DDAH1: variants seen among roughly 807,000 people sequenced by gnomAD.
The protein encoded by DDAH1 is dimethylarginine dimethylaminohydrolase 1.
A neutral mutation model predicts 28.8 loss-of-function variants in DDAH1; 19 were observed. The observed-to-expected ratio is 0.66, with a 90% CI of 0.46 to 0.97. The LOEUF (loss-of-function observed/expected upper bound fraction) is 0.97. Ranked by LOEUF, DDAH1 falls within the 50% of genes least tolerant of loss-of-function variation. DDAH1 has a pLI of 0.00. For synonymous variants in DDAH1, 153 were observed against 154.4 expected (o/e 0.99, Z 0.07); for missense variants, 326 against 375.9 (o/e 0.87, Z 1.10).
At chr1:85,332,098 C>G (rs1647805393) in intron 4 of DDAH1, among the ~76,000 whole-genome samples, 1 of 152,170 alleles carries the variant, frequency 6.6e-6, no homozygotes, top group Non-Finnish European at 1.5e-5. Context: ...CAGCATTGCT[C>G]CAGAGATGGA....
chr1:85,540,602 C>T (rs760040604), intron 1 of DDAH1, among the ~76,000 whole-genome samples: 10 of 152,176 alleles, frequency 6.6e-5, no homozygotes, highest in Non-Finnish European at 1.0e-4. Flanking sequence ...ACCTCCAATG[C>T]TTTCCTCCTA....
chr1:85,492,161 G>C (rs756012063), intron 2 of DDAH1, among the ~76,000 whole-genome samples: 6 of 152,148 alleles, frequency 3.9e-5, no homozygotes, highest in Non-Finnish European at 7.4e-5. Flanking sequence ...ACTCAGGCTT[G>C]TCTGAGTCTG....
At chr1:85,490,100 G>A (rs757328159) in intron 2 of DDAH1, among the ~76,000 whole-genome samples, 1 of 152,102 alleles carries the variant, frequency 6.6e-6, no homozygotes, top group Non-Finnish European at 1.5e-5. Context: ...ATGAAGGAAT[G>A]AATGAAGTTA....
chr1:85,542,192 C>A (rs571059646), intron 1 of DDAH1, among the ~76,000 whole-genome samples: 2 of 152,148 alleles, frequency 1.3e-5, no homozygotes, highest in Admixed American at 1.3e-4. Context: ...TGAACACTGT[C>A]TATAATACAA....
chr1:85,436,105 A>AT (rs1405354407), intron 1 of DDAH1, among the ~76,000 whole-genome samples: 1 of 152,032 alleles, frequency 6.6e-6, no homozygotes, highest in Non-Finnish European at 1.5e-5. Flanking sequence ...CCAGCCACTT[A>AT]TATCTGTTTT....
intron 1 of DDAH1, among the ~76,000 whole-genome samples, chr1:85,542,780 G>C (rs1441564177): frequency 6.6e-6 from 1 of 152,090 alleles, no homozygotes; most frequent in African/African-American, 2.4e-5. Context: ...ATTGTTATTG[G>C]CCCATAATGT....
intron 1 of DDAH1, among the ~76,000 whole-genome samples, chr1:85,371,088 T>A (rs1650359688): frequency 6.6e-6 from 1 of 152,218 alleles, no homozygotes. Context: ...GCTCATTCAT[T>A]ACTGTTGCGA....
chr1:85,512,153 G>A (rs560450013), intron 1 of DDAH1, among the ~76,000 whole-genome samples: 80 of 152,130 alleles, frequency 5.3e-4, no homozygotes, highest in Admixed American at 2.2e-3. Context: ...TATCCATCAC[G>A]ATCAAGTCAG....
intron 1 of DDAH1, among the ~76,000 whole-genome samples, chr1:85,427,821 C>T (rs921789189): frequency 2.0e-5 from 3 of 150,308 alleles, no homozygotes; most frequent in Non-Finnish European, 3.0e-5. Context: ...ACCTCATAAA[C>T]ATGTTATGTG....
intron 1 of DDAH1, among the ~76,000 whole-genome samples, chr1:85,574,684 C>T (rs1205124669): frequency 2.6e-5 from 4 of 152,162 alleles, no homozygotes; most frequent in Admixed American, 2.6e-4. Context: ...TAGCACTATG[C>T]CATGACACAT....
At chr1:85,345,083 C>G (rs1648761262) in intron 4 of DDAH1, among the ~76,000 whole-genome samples, 1 of 152,102 alleles carries the variant, frequency 6.6e-6, no homozygotes, top group Non-Finnish European at 1.5e-5. Flanking sequence ...CAAAGTGGCC[C>G]TCTGGACCAT....
intron 5 of DDAH1, among the ~76,000 whole-genome samples, chr1:85,322,987 T>G (rs1485351866): frequency 6.6e-6 from 1 of 152,146 alleles, no homozygotes. Context: ...AACCCTGATG[T>G]GCATTAAAGT....
At chr1:85,405,618 A>T (rs1354709944) in intron 1 of DDAH1, among the ~76,000 whole-genome samples, 1 of 122,010 alleles carries the variant, frequency 8.2e-6, no homozygotes, top group Non-Finnish European at 1.7e-5. Context: ...CCTTGGCTGG[A>T]TCTAAAAAGT....
chr1:85,549,619 T>C (rs71654708), intron 1 of DDAH1, among the ~76,000 whole-genome samples: 4,085 of 152,348 alleles, frequency 0.027, 72 homozygotes, highest in Non-Finnish European at 0.04. Context: ...TCCTGCCAAA[T>C]ATTTATGTTC....
intron 1 of DDAH1, among the ~76,000 whole-genome samples, chr1:85,510,016 T>C (rs1194158032): frequency 3.3e-5 from 5 of 151,618 alleles, no homozygotes; most frequent in Non-Finnish European, 7.4e-5. Context: ...TCGAGAAGTA[T>C]CTTTCTCGAC....
intron 1 of DDAH1, among the ~76,000 whole-genome samples, chr1:85,383,599 A>T (rs1487830418): frequency 1.3e-5 from 2 of 152,248 alleles, no homozygotes; most frequent in African/African-American, 4.8e-5. Context: ...TGTGAGTAAA[A>T]TGCTATCAAA....
chr1:85,386,559 C>T (rs1651272227), intron 1 of DDAH1, among the ~76,000 whole-genome samples: 1 of 152,218 alleles, frequency 6.6e-6, no homozygotes, highest in East Asian at 1.9e-4. Flanking sequence ...GGGCAGCACA[C>T]ATGGTTGATC....
intron 4 of DDAH1, among the ~76,000 whole-genome samples, chr1:85,327,435 C>T (rs778986560): frequency 1.3e-5 from 2 of 152,182 alleles, no homozygotes; most frequent in Non-Finnish European, 2.9e-5. Flanking sequence ...AGTAGTGTTG[C>T]AGGCTTAGCA....
intron 1 of DDAH1, among the ~76,000 whole-genome samples, chr1:85,552,073 T>A (rs1307711462): frequency 6.6e-6 from 1 of 152,154 alleles, no homozygotes; most frequent in Non-Finnish European, 1.5e-5. Context: ...CAATATCCAA[T>A]CCAAATACAA....
Sources: allele counts gnomAD v4.1 joint callset (sites outside exome capture counted in the v4.1 genomes callset), GRCh38; gene constraint gnomAD v4.1.1; transcripts MANE v1.5; gene names NCBI Gene and HGNC (gene_info 2026-07-23, HGNC 2026-07-21).